The following ATP2B4 variants were observed in gnomAD, a reference collection of about 807,000 sequenced individuals.
ATP2B4 encodes plasma membrane calcium-transporting ATPase 4.
A neutral mutation model predicts 110.3 loss-of-function variants in ATP2B4; 39 were observed. The observed-to-expected ratio is 0.35, with a 90% CI of 0.27 to 0.46. The LOEUF is 0.46. Among genes scored for constraint, ATP2B4 ranks in the 20% least tolerant of loss-of-function variants. ATP2B4 has a pLI of 1.00. For missense variants in ATP2B4, 1,135 were observed against 1,530.9 expected, an observed-to-expected ratio of 0.74 and a Z score of 4.32; for synonymous variants, 538 against 571.7, an observed-to-expected ratio of 0.94 and a Z score of 0.84.
At chr1:203,693,588 A>T (rs896553661) in intron 2 of ATP2B4, among the ~76,000 whole-genome samples, 1 of 152,196 alleles carries the variant, frequency 6.6e-6, no homozygotes, top group Non-Finnish European at 1.5e-5. Flanking sequence ...TTGGGTCCAA[A>T]AAAGGCCATA....
chr1:203,702,093 C>T lies in ATP2B4; in HGVS notation c.937+14C>T. The T allele has an allele frequency of 6.2e-7, 1 of 1,613,962 alleles. No individual in the cohort carries two copies. Among genetic ancestry groups the T allele is most frequent in the Non-Finnish European group, 8.5e-7 (1 of 1,179,856 alleles). On this transcript the variant is annotated intron_variant, in intron 7 of 20. Coordinates refer to ENST00000357681, the MANE Select transcript of ATP2B4 (RefSeq NM_001684.5). ...ATCGCAACAAAGGTAACCTCTCCAA[C>T]TACTCATTTACCATCTCTACCTGCC...
chr1:203,671,829 T>C (rs759536908), intron 1 of ATP2B4, among the ~76,000 whole-genome samples: 1 of 152,240 alleles, frequency 6.6e-6, no homozygotes, highest in African/African-American at 2.4e-5. Context: ...TCTGTAGAAG[T>C]GGAGGAAACA....
Position 203,704,467 on chromosome 1 carries a change from C to CTTTTTTTTTTTT in ATP2B4, c.1099+674_1099+685dup, listed in dbSNP as rs35019828. On this transcript the variant is annotated intron_variant, in intron 8 of 20. Coordinates refer to ENST00000357681, the MANE Select transcript of ATP2B4 (RefSeq NM_001684.5). ...GTGGACATATCTCTCAAGGAACAGT[C>CTTTTTTTTTTTT]TTTTTTTTTTTTTTTTTTTTTTTTT... 8.7e-5 allele frequency among the ~76,000 whole-genome samples: 6 copies of CTTTTTTTTTTTT among 68,794 alleles called. 1 individual carries two copies. The highest frequency in any genetic ancestry group is 1.1e-3 in the South Asian group (2 of 1,742). The allele number at this position is 68,794 out of a possible 152,430, so 45.1% of individuals were successfully genotyped here.
chr1:203,729,745 C>T (rs773625231), intron 20 of ATP2B4: 5 of 1,350,812 alleles, frequency 3.7e-6, no homozygotes, highest in Middle Eastern at 2.1e-4. Flanking sequence ...GTGTTGCTGG[C>T]CTCACATCCA....
intron 5 of ATP2B4, 112 bp downstream of exon 5, chr1:203,700,443 C>A: frequency 7.2e-7 from 1 of 1,393,960 alleles, no homozygotes; most frequent in African/African-American, 1.4e-5. Flanking sequence ...CCCTGGGGTT[C>A]AGCTGGGGCA....
Position 203,707,165 on chromosome 1 carries a change from T to G in ATP2B4, c.1256T>G (p.Val419Gly). 6.2e-7 allele frequency: 1 copy of G among 1,614,206 alleles called. No homozygotes were observed. Among genetic ancestry groups the G allele is most frequent in the Non-Finnish European group, 8.5e-7 (1 of 1,180,038 alleles). Residue 419 changes from valine (V) to glycine (G), a missense_variant, in exon 9 of 21, where the codon GTG (valine) becomes GGG (glycine). Coordinates refer to ENST00000357681, the MANE Select transcript of ATP2B4 (RefSeq NM_001684.5). ...FFIIGITVLVVAVPEGLPLAV... is the reference protein window; with the variant it reads ...FFIIGITVLVGAVPEGLPLAV... ...ATCATCGGCATCACTGTACTGGTGG[T>G]GGCTGTGCCAGAGGGGCTGCCTCTG...
At chr1:203,653,658 G>T (rs903191742) in intron 1 of ATP2B4, among the ~76,000 whole-genome samples, 1 of 152,138 alleles carries the variant, frequency 6.6e-6, no homozygotes, top group African/African-American at 2.4e-5. Context: ...CAAGGTTCAA[G>T]TGATTCTTCT....
intron 19 of ATP2B4, among the ~76,000 whole-genome samples, chr1:203,725,675 C>T (rs1473829799): frequency 6.6e-6 from 1 of 152,016 alleles, no homozygotes; most frequent in Non-Finnish European, 1.5e-5. Context: ...TACCACTTTA[C>T]AAACCTCCCT....
chr1:203,720,327 A>G (rs372293837), intron 15 of ATP2B4, among the ~76,000 whole-genome samples: 2 of 152,204 alleles, frequency 1.3e-5, no homozygotes, highest in East Asian at 3.8e-4. Context: ...GATATCAAAG[A>G]TGATTGTAAT....
intron 1 of ATP2B4, among the ~76,000 whole-genome samples, chr1:203,666,205 A>C (rs1664497397): frequency 6.6e-6 from 1 of 152,168 alleles, no homozygotes; most frequent in African/African-American, 2.4e-5. Context: ...ATCCAAGGGG[A>C]TTCTCATAAG....
chr1:203,710,791 C>A, intron 11 of ATP2B4, 86 bp from the exon 12 acceptor site: 2 of 1,055,022 alleles, frequency 1.9e-6, no homozygotes, highest in Non-Finnish European at 2.8e-6. Flanking sequence ...AGGAATAATA[C>A]AGAGTTGCCA....
Position 203,707,071 on chromosome 1 carries a change from G to C in ATP2B4, c.1162G>C (p.Val388Leu). 1 of 1,614,086 alleles carries C rather than the reference G, an allele frequency of 6.2e-7. No homozygotes were observed. The highest frequency in any genetic ancestry group is 1.7e-5 in the Admixed American group (1 of 60,016). ...LILYFVIDNF[V>L]INRRPWLPEC... Reference sequence around the variant, plus strand: ...TCTATACTTTGTGATTGACAACTTTGTGATAAATCGCAGACCATGGCTCCC... The same window carrying C: ...TCTATACTTTGTGATTGACAACTTTCTGATAAATCGCAGACCATGGCTCCC... The change falls in exon 9 of 21, where the codon GTG becomes CTG. Residue 388 changes from valine to leucine, a missense_variant. Coordinates refer to ENST00000357681, the MANE Select transcript of ATP2B4 (RefSeq NM_001684.5).
At position 203,731,411 on chromosome 1, in the gene ATP2B4, G is replaced by A. The variant is rs572259622; in HGVS notation, c.3309+3840G>A. On this transcript the variant is annotated intron_variant, in intron 20 of 20. Transcript: ENST00000357681. Reference sequence around the variant, plus strand: ...TTCATTCCTGGTAGATTAACCCTTGGCATTAAGCAGATAGATATTTCTAAG... The same window carrying A: ...TTCATTCCTGGTAGATTAACCCTTGACATTAAGCAGATAGATATTTCTAAG... 9.1e-4 allele frequency among the ~76,000 whole-genome samples: 139 copies of A among 152,252 alleles called. 1 individual carries two copies. Among genetic ancestry groups the A allele is most frequent in the African/African-American group, 3.1e-3 (130 of 41,524 alleles).
At chr1:203,635,766 A>G (rs1007450119) in intron 1 of ATP2B4, among the ~76,000 whole-genome samples, 2 of 152,234 alleles carry the variant, frequency 1.3e-5, no homozygotes, top group Non-Finnish European at 2.9e-5. Context: ...AGTCCATGCC[A>G]GAGGCACTCC....
intron 4 of ATP2B4, 71 bp downstream of exon 4, chr1:203,699,788 G>A: frequency 1.3e-6 from 2 of 1,578,070 alleles, no homozygotes; most frequent in South Asian, 2.3e-5. Flanking sequence ...TTTGGCATGA[G>A]GGGGCTGGGA....
chr1:203,638,413 C>T (rs573262025), intron 1 of ATP2B4, among the ~76,000 whole-genome samples: 50 of 152,298 alleles, frequency 3.3e-4, no homozygotes, highest in South Asian at 3.1e-3. Flanking sequence ...GGGGAGCACT[C>T]GTACGACATC....
chr1:203,702,462 T>G (rs533193473), intron 7 of ATP2B4, among the ~76,000 whole-genome samples: 5 of 152,162 alleles, frequency 3.3e-5, no homozygotes, highest in Non-Finnish European at 7.4e-5. Flanking sequence ...GGAGGTGGGG[T>G]GGGTAGTCCC....
intron 2 of ATP2B4, among the ~76,000 whole-genome samples, chr1:203,689,759 T>C (rs1665308776): frequency 6.6e-6 from 1 of 152,220 alleles, no homozygotes; most frequent in South Asian, 2.1e-4. Flanking sequence ...TAAAAGAAGA[T>C]GCATATGAAT....
At chr1:203,727,335 G>T in intron 19 of ATP2B4, 60 bp from the exon 20 acceptor site, 2 of 1,585,140 alleles carry the variant, frequency 1.3e-6, no homozygotes, top group South Asian at 2.3e-5. Flanking sequence ...CATGTAAGTT[G>T]ACTGACAGCT....
Sources: allele counts gnomAD v4.1 joint callset (sites outside exome capture counted in the v4.1 genomes callset), GRCh38; gene constraint gnomAD v4.1.1; transcripts MANE v1.5; gene names NCBI Gene and HGNC (gene_info 2026-07-23, HGNC 2026-07-21).